Variants in FHIT observed in about 807,000 individuals in gnomAD.
FHIT encodes bis(5'-adenosyl)-triphosphatase.
Under a neutral mutation model 17.9 loss-of-function variants are expected in FHIT, and 19 were observed. The observed-to-expected ratio is 1.06, with a 90% CI of 0.74 to 1.56. The LOEUF is 1.56. Among genes scored for constraint, FHIT ranks in the 40% most tolerant of loss-of-function variants. FHIT has a pLI of 0.00. For synonymous variants in FHIT, 81 were observed against 69.7 expected (o/e 1.16, Z -0.81); for missense variants, 248 against 189.2 (o/e 1.31, Z -1.82).
intron 5 of FHIT, among the ~76,000 whole-genome samples, chr3:60,423,813 C>G (rs148315566): frequency 6.6e-6 from 1 of 152,076 alleles, no homozygotes; most frequent in Non-Finnish European, 1.5e-5. Flanking sequence ...AAATACAGTG[C>G]CCCTAGCTAA....
intron 2 of FHIT, among the ~76,000 whole-genome samples, chr3:61,061,287 T>C (rs2034420219): frequency 6.6e-6 from 1 of 152,198 alleles, no homozygotes; most frequent in South Asian, 2.1e-4. Flanking sequence ...TTGTGATATA[T>C]GTTTAGTTCA....
intron 7 of FHIT, among the ~76,000 whole-genome samples, chr3:59,973,898 G>A (rs1708294496): frequency 6.6e-6 from 1 of 151,662 alleles, no homozygotes; most frequent in Admixed American, 6.6e-5. Context: ...TCTTCTTGTG[G>A]TACTATTAAG....
chr3:60,603,762 G>A (rs2038519145), intron 4 of FHIT, among the ~76,000 whole-genome samples: 1 of 152,044 alleles, frequency 6.6e-6, no homozygotes, highest in Non-Finnish European at 1.5e-5. Flanking sequence ...TACACTAGAA[G>A]TGAATGATAC....
At chr3:60,151,788 C>G (rs1700475599) in intron 5 of FHIT, among the ~76,000 whole-genome samples, 1 of 152,160 alleles carries the variant, frequency 6.6e-6, no homozygotes, top group African/African-American at 2.4e-5. Context: ...GTTTACTGCA[C>G]CAATCTCATA....
At chr3:60,189,980 G>C (rs1009775754) in intron 5 of FHIT, among the ~76,000 whole-genome samples, 1 of 152,140 alleles carries the variant, frequency 6.6e-6, no homozygotes, top group Non-Finnish European at 1.5e-5. Context: ...TTTCCCTTAG[G>C]AACCCATCTG....
rs549676036 is a variant in FHIT at position 61,002,530 on chromosome 3, GTGAGCCACAGGCA to G, written c.-111+39504_-111+39516del. Among the ~76,000 whole-genome samples the G allele has an allele frequency of 1.5e-4, 23 of 152,228 alleles. No individual in the cohort carries two copies. The South Asian group carries it at 2.7e-3, about 18-fold the overall frequency. On this transcript the variant is annotated intron_variant, in intron 3 of 9. Coordinates refer to ENST00000492590, the MANE Select transcript of FHIT (RefSeq NM_002012.4). Reference sequence around the variant, plus strand: ...TCCCACCTCGGCCTCCCAAAGTGCTGTGAGCCACAGGCATGAGCCACAGGCATTAGCCACTGCA... The same window carrying G: ...TCCCACCTCGGCCTCCCAAAGTGCTGTGAGCCACAGGCATTAGCCACTGCA...
intron 5 of FHIT, among the ~76,000 whole-genome samples, chr3:60,345,387 G>T (rs189177435): frequency 6.6e-6 from 1 of 152,144 alleles, no homozygotes; most frequent in Non-Finnish European, 1.5e-5. Flanking sequence ...CCAGGAATAA[G>T]CTTCTTTACC....
intron 8 of FHIT, among the ~76,000 whole-genome samples, chr3:59,825,198 T>C (rs1056552199): frequency 1.4e-4 from 22 of 152,216 alleles, no homozygotes; most frequent in Non-Finnish European, 7.3e-5. Flanking sequence ...TGCTGTCTTA[T>C]TGCCTGTTTG....
intron 5 of FHIT, among the ~76,000 whole-genome samples, chr3:60,101,329 C>T (rs1559632801): frequency 1.3e-5 from 2 of 152,230 alleles, no homozygotes; most frequent in Non-Finnish European, 2.9e-5. Context: ...CTCACACCTC[C>T]TGCACCCTGG....
intron 3 of FHIT, among the ~76,000 whole-genome samples, chr3:60,833,274 T>G (rs1702397481): frequency 6.6e-6 from 1 of 152,040 alleles, no homozygotes; most frequent in South Asian, 2.1e-4. Flanking sequence ...CCTGGGGAAG[T>G]AGGGAGGGAG....
intron 4 of FHIT, among the ~76,000 whole-genome samples, chr3:60,569,982 A>G (rs1046775055): frequency 6.6e-6 from 1 of 151,958 alleles, no homozygotes; most frequent in Non-Finnish European, 1.5e-5. Context: ...CAGTGGTACA[A>G]TCATTACTAC....
chr3:60,900,169 C>T (rs1438737243), intron 3 of FHIT, among the ~76,000 whole-genome samples: 1 of 152,182 alleles, frequency 6.6e-6, no homozygotes, highest in African/African-American at 2.4e-5. Flanking sequence ...TCTCCTACTT[C>T]AAGATCATCT....
intron 5 of FHIT, among the ~76,000 whole-genome samples, chr3:60,475,440 A>G (rs1264641962): frequency 6.6e-6 from 1 of 152,200 alleles, no homozygotes; most frequent in Non-Finnish European, 1.5e-5. Context: ...TTACTTTGAA[A>G]CCAAAGCTCC....
At chr3:60,826,837 T>C (rs968753310) in intron 3 of FHIT, among the ~76,000 whole-genome samples, 1 of 152,190 alleles carries the variant, frequency 6.6e-6, no homozygotes, top group South Asian at 2.1e-4. Context: ...GGACATCTTT[T>C]CAACCTTTTT....
intron 3 of FHIT, among the ~76,000 whole-genome samples, chr3:60,918,446 G>A (rs1361624821): frequency 6.6e-6 from 1 of 152,122 alleles, no homozygotes; most frequent in Non-Finnish European, 1.5e-5. Flanking sequence ...ATATAATTTG[G>A]GAGGCAAGAC....
intron 3 of FHIT, among the ~76,000 whole-genome samples, chr3:60,907,972 A>T (rs555934005): frequency 2.6e-4 from 40 of 152,224 alleles, no homozygotes; most frequent in Non-Finnish European, 4.3e-4. Flanking sequence ...CTGGAATTTG[A>T]AGTTAATAAA....
chr3:59,799,929 G>A (rs1226714555), intron 8 of FHIT, among the ~76,000 whole-genome samples: 1 of 152,156 alleles, frequency 6.6e-6, no homozygotes, highest in Non-Finnish European at 1.5e-5. Context: ...GTGGGAAGAG[G>A]AGAAAGGGAA....
chr3:60,177,805 C>T (rs562592373), intron 5 of FHIT, among the ~76,000 whole-genome samples: 3 of 152,312 alleles, frequency 2.0e-5, no homozygotes, highest in Admixed American at 1.3e-4. Flanking sequence ...GAAAAGGATT[C>T]CCACTAAAAT....
intron 5 of FHIT, among the ~76,000 whole-genome samples, chr3:60,107,170 TTTG>T (rs71089579): frequency 0.31 from 37,609 of 123,034 alleles, 5,803 homozygotes; most frequent in Non-Finnish European, 0.39. Context: ...TTTTTTTTTT[TTTG>T]TACACAAAGG....
Sources: gnomAD v4.1 joint callset for allele counts (sites outside exome capture counted in the v4.1 genomes callset) on GRCh38, gnomAD v4.1.1 for gene constraint, MANE v1.5 for transcripts, NCBI Gene and HGNC (gene_info 2026-07-23, HGNC 2026-07-21) for gene names.